Variants in SQOR observed in about 807,000 individuals in gnomAD.
SQOR encodes the protein sulfide quinone oxidoreductase.
A neutral mutation model predicts 48.6 loss-of-function variants in SQOR; 39 were observed. The ratio of observed to expected loss-of-function variants is 0.80; its 90% CI spans 0.62 to 1.05. SQOR has a LOEUF of 1.05. Among genes scored for constraint, SQOR ranks in the 50% least tolerant of loss-of-function variants. The pLI is 0.00. For synonymous variants in SQOR, 220 were observed against 206.2 expected (o/e 1.07, Z -0.57); for missense variants, 561 against 559.9 (o/e 1.00, Z -0.02).
intron 1 of SQOR, among the ~76,000 whole-genome samples, chr15:45,650,510 G>A (rs1191164865): frequency 1.3e-5 from 2 of 152,176 alleles, no homozygotes; most frequent in East Asian, 1.9e-4. Flanking sequence ...GCGAGCAACA[G>A]CAAGATTTAT....
At chr15:45,669,804 C>A in intron 3 of SQOR, 124 bp from the exon 4 acceptor site, 1 of 813,912 alleles carries the variant, frequency 1.2e-6, no homozygotes, top group Non-Finnish European at 2.1e-6. Flanking sequence ...CTCATCTGTT[C>A]TATGGGCTAA....
chr15:45,689,100 T>G lies in SQOR; in HGVS notation c.1178T>G (p.Phe393Cys), dbSNP rs1393484413. ...TACAACCGTGTGATTCTTGCTGAGT[T>G]TGACTACAAAGCAGAGCCGCTAGAA... is the stretch of plus-strand genomic sequence containing the variant. ...TGYNRVILAEFDYKAEPLETF... is the reference protein window; with the variant it reads ...TGYNRVILAECDYKAEPLETF... Residue 393 changes from phenylalanine (F) to cysteine (C), a missense_variant, in exon 9 of 10, where the codon TTT becomes TGT. By Grantham distance (205) the Phe-to-Cys change is radical. Transcript: ENST00000260324. The G allele has an allele frequency of 1.2e-6, 2 of 1,614,052 alleles. No individual in the cohort carries two copies. Among genetic ancestry groups the G allele is most frequent in the East Asian group, 4.5e-5 (2 of 44,896 alleles).
chr15:45,666,102 TC>T (rs1889812157), intron 3 of SQOR, among the ~76,000 whole-genome samples: 1 of 152,198 alleles, frequency 6.6e-6, no homozygotes, highest in Non-Finnish European at 1.5e-5. Flanking sequence ...CATACTGGCC[TC>T]CTATTTCCTC....
intron 6 of SQOR, among the ~76,000 whole-genome samples, chr15:45,677,649 T>A (rs1032560294): frequency 6.6e-6 from 1 of 152,208 alleles, no homozygotes; most frequent in African/African-American, 2.4e-5. Flanking sequence ...GTTCCTCATT[T>A]TGAGTTTGTC....
At chr15:45,671,329 A>T (rs1208458307) in intron 4 of SQOR, among the ~76,000 whole-genome samples, 4 of 151,668 alleles carry the variant, frequency 2.6e-5, no homozygotes, top group Admixed American at 2.6e-4. Flanking sequence ...TAATTTTTGT[A>T]TTTTTTTTAG....
At chr15:45,690,771 A>G (rs1890309004) in intron 9 of SQOR, among the ~76,000 whole-genome samples, 1 of 152,228 alleles carries the variant, frequency 6.6e-6, no homozygotes, top group Admixed American at 6.5e-5. Flanking sequence ...AGGCTCACAC[A>G]GCAAGTCTTT....
chr15:45,657,103 T>C (rs1405669476), intron 1 of SQOR, among the ~76,000 whole-genome samples: 1 of 83,538 alleles, frequency 1.2e-5, no homozygotes, highest in Non-Finnish European at 2.6e-5. Flanking sequence ...CCACCACGCC[T>C]GGTCTATATA....
At chr15:45,683,928 G>A (rs1203183592) in intron 7 of SQOR, among the ~76,000 whole-genome samples, 1 of 150,950 alleles carries the variant, frequency 6.6e-6, no homozygotes, top group Non-Finnish European at 1.5e-5. Flanking sequence ...TTTTTGGTGG[G>A]GGGACAGAAT....
At chr15:45,650,705 G>C (rs781530752) in intron 1 of SQOR, among the ~76,000 whole-genome samples, 2 of 152,042 alleles carry the variant, frequency 1.3e-5, no homozygotes, top group Non-Finnish European at 2.9e-5. Context: ...GTTTTGACAG[G>C]GTGCTGATTG....
intron 3 of SQOR, among the ~76,000 whole-genome samples, chr15:45,669,421 C>T (rs1161565263): frequency 6.6e-6 from 1 of 152,262 alleles, no homozygotes; most frequent in Middle Eastern, 3.4e-3. Flanking sequence ...GCCTCGGCCT[C>T]CCAAGGTGCT....
intron 7 of SQOR, among the ~76,000 whole-genome samples, chr15:45,686,964 C>T (rs948087037): frequency 3.3e-5 from 5 of 152,058 alleles, no homozygotes; most frequent in Admixed American, 6.6e-5. Flanking sequence ...AGCGACACCA[C>T]GCCTGGCTAA....
intron 1 of SQOR, among the ~76,000 whole-genome samples, chr15:45,640,777 A>C (rs1199685593): frequency 2.0e-5 from 3 of 152,180 alleles, no homozygotes; most frequent in Non-Finnish European, 4.4e-5. Context: ...TCAGGAAAAC[A>C]AGTTCATCCC....
Position 45,661,289 on chromosome 15 carries a change from T to TA in SQOR, c.235-666_235-665insA, listed in dbSNP as rs777334925. On this transcript the variant is annotated intron_variant, in intron 2 of 9. Transcript: ENST00000260324. ...TGGGGTGATTGGGCGAGACTCTGTCTTAAAAAAAAAAAAAAAAAAAAAAAA... is the reference window on the plus strand; with the variant it reads ...TGGGGTGATTGGGCGAGACTCTGTCTATAAAAAAAAAAAAAAAAAAAAAAAA... 2.2e-3 allele frequency among the ~76,000 whole-genome samples: 189 copies of TA among 84,370 alleles called. 3 individuals carry two copies. Among genetic ancestry groups the TA allele is most frequent in the African/African-American group, 4.2e-3 (92 of 21,850 alleles). 55.3% of individuals were successfully genotyped at this position (84,370 alleles called of 152,430 possible). A position where few individuals can be genotyped will look rare whatever the true frequency, so the allele number is the denominator to read the frequency against.
intron 6 of SQOR, among the ~76,000 whole-genome samples, chr15:45,682,222 T>TAC (rs1890136137): frequency 6.6e-6 from 1 of 152,210 alleles, no homozygotes; most frequent in Non-Finnish European, 1.5e-5. Context: ...CATGTACCCG[T>TAC]ACGTGTGTCC....
intron 7 of SQOR, among the ~76,000 whole-genome samples, chr15:45,683,474 G>A (rs1890160493): frequency 6.6e-6 from 1 of 152,202 alleles, no homozygotes; most frequent in Non-Finnish European, 1.5e-5. Flanking sequence ...TCGATGTTCT[G>A]CACCAGCAGT....
intron 2 of SQOR, 51 bp from the exon 3 acceptor site, chr15:45,661,904 C>G (rs1402741032): frequency 1.9e-6 from 3 of 1,567,892 alleles, no homozygotes; most frequent in Admixed American, 3.6e-5. Flanking sequence ...GCTATGACCC[C>G]TTTTGATCAG....
At position 45,669,910 on chromosome 15, in the gene SQOR, T is replaced by A; in HGVS notation, c.406-18T>A. 6.2e-7 allele frequency: 1 copy of A among 1,612,456 alleles called. No homozygotes were observed. Among genetic ancestry groups the A allele is most frequent in the Non-Finnish European group, 8.5e-7 (1 of 1,178,454 alleles). ...CTTCTTGAGTCCTGGTCTAAAATAA[T>A]GTCTTTTTGTGTTGCAGATCTCCTA... On this transcript the variant is annotated intron_variant, in intron 3 of 9. Transcript: ENST00000260324.
At chr15:45,684,884 T>G (rs1030812888) in intron 7 of SQOR, among the ~76,000 whole-genome samples, 3 of 152,214 alleles carry the variant, frequency 2.0e-5, no homozygotes, top group African/African-American at 7.2e-5. Context: ...CTGCGTGGCT[T>G]TCACAGTCCC....
At chr15:45,664,819 T>C (rs1282655433) in intron 3 of SQOR, among the ~76,000 whole-genome samples, 1 of 152,200 alleles carries the variant, frequency 6.6e-6, no homozygotes, top group African/African-American at 2.4e-5. Flanking sequence ...CAAATACCTA[T>C]ATGCATATAT....
Sources: gnomAD v4.1 joint callset for allele counts (sites outside exome capture counted in the v4.1 genomes callset) on GRCh38, gnomAD v4.1.1 for gene constraint, MANE v1.5 for transcripts, NCBI Gene and HGNC (gene_info 2026-07-23, HGNC 2026-07-21) for gene names.